The following SLC7A11 variants were observed in gnomAD, a reference collection of about 807,000 sequenced individuals.
The protein encoded by SLC7A11 is cystine/glutamate transporter.
In SLC7A11, 35 loss-of-function variants were observed where a neutral mutation model predicts 54.5. That is an observed-to-expected ratio of 0.64 (90% confidence interval 0.49 to 0.85). The LOEUF (loss-of-function observed/expected upper bound fraction) is 0.85, where lower values mean the gene tolerates loss of function less well. Ranked by LOEUF, SLC7A11 falls within the 40% of genes least tolerant of loss-of-function variation. SLC7A11 has a pLI of 0.00. For missense variants in SLC7A11, 583 were observed against 618.1 expected (o/e 0.94, Z 0.60); for synonymous variants, 230 against 225.2 (o/e 1.02, Z -0.19).
chr4:138,214,846 T>C (rs1737642238), intron 5 of SLC7A11, among the ~76,000 whole-genome samples: 1 of 151,922 alleles, frequency 6.6e-6, no homozygotes, highest in African/African-American at 2.4e-5. Flanking sequence ...ATACAAGTGG[T>C]AAGCCCATAG....
intron 1 of SLC7A11, among the ~76,000 whole-genome samples, chr4:138,238,880 G>A (rs1461358910): frequency 6.6e-6 from 1 of 152,126 alleles, no homozygotes; most frequent in African/African-American, 2.4e-5. Context: ...TGAGATTATA[G>A]GCATGAGCCA....
chr4:138,224,818 G>A (rs72935809), intron 3 of SLC7A11, among the ~76,000 whole-genome samples: 1,486 of 10,042 alleles, frequency 0.15, 25 homozygotes, highest in East Asian at 0.27. Context: ...AAGGATGAAA[G>A]GAAGGAAGGA....
rs767903614 is a variant in SLC7A11, at chr4:138,236,378, G to C, written c.351C>G (p.Val117=). ...SGGHYTYILE[V]FGPLPAFVRV... ...GTACAAAAGCTGGTAATGGACCAAA[G>C]ACTTCCAAAATATATGTGTAATGAC... Residue 117 remains valine (V), a synonymous_variant, in exon 2 of 12, where the codon GTC becomes GTG. Coordinates refer to ENST00000280612, the MANE Select transcript of SLC7A11 (RefSeq NM_014331.4). 1 of 1,613,332 alleles carries C rather than the reference G, an allele frequency of 6.2e-7. No individual in the cohort carries two copies. Among genetic ancestry groups the C allele is most frequent in the Non-Finnish European group, 8.5e-7 (1 of 1,179,506 alleles).
Position 138,242,142 on chromosome 4 carries a change from G to GTTAC in SLC7A11, c.-77_-74dup. Reference sequence around the variant, plus strand: ...ACTTTCAACTTTGGTGTCTCTTGGTGTTACTGATCGATGTCTTCCTCTGCT... The same window carrying GTTAC: ...ACTTTCAACTTTGGTGTCTCTTGGTGTTACTTACTGATCGATGTCTTCCTCTGCT... On this transcript the variant is annotated 5_prime_UTR_variant, in exon 1 of 12. Coordinates refer to ENST00000280612, the MANE Select transcript of SLC7A11 (RefSeq NM_014331.4). 2 of 1,506,016 alleles carry GTTAC rather than the reference G, an allele frequency of 1.3e-6. No individual in the cohort carries two copies. Among genetic ancestry groups the GTTAC allele is most frequent in the South Asian group, 2.5e-5 (2 of 81,242 alleles). The allele number at this position is 1,506,016 out of a possible 1,614,324, so 93.3% of individuals were successfully genotyped here. A position where few individuals can be genotyped will look rare whatever the true frequency, so the allele number is the denominator to read the frequency against.
intron 8 of SLC7A11, 81 bp from the exon 9 acceptor site, chr4:138,182,474 G>T: frequency 2.4e-6 from 2 of 833,642 alleles, no homozygotes; most frequent in Non-Finnish European, 2.0e-6. Context: ...CAGAGAAAAC[G>T]TGCATCTTTT....
intron 6 of SLC7A11, among the ~76,000 whole-genome samples, chr4:138,204,487 T>C (rs1737360305): frequency 6.6e-6 from 1 of 152,046 alleles, no homozygotes; most frequent in Admixed American, 6.6e-5. Context: ...TCTTCTGTTT[T>C]GTATCAACAG....
intron 6 of SLC7A11, among the ~76,000 whole-genome samples, chr4:138,203,942 C>G (rs1737347698): frequency 6.6e-6 from 1 of 152,026 alleles, no homozygotes; most frequent in African/African-American, 2.4e-5. Context: ...GATTTTGACT[C>G]CTCTTCACAA....
intron 6 of SLC7A11, among the ~76,000 whole-genome samples, chr4:138,209,385 T>C (rs900094076): frequency 2.6e-5 from 4 of 152,014 alleles, no homozygotes; most frequent in Admixed American, 6.6e-5. Flanking sequence ...TTATTCTCCC[T>C]TGTAACTAAA....
At chr4:138,180,006 G>A (rs1274937029) in intron 10 of SLC7A11, among the ~76,000 whole-genome samples, 1 of 151,726 alleles carries the variant, frequency 6.6e-6, no homozygotes, top group East Asian at 1.9e-4. Flanking sequence ...TAAATCGTGA[G>A]GTCAAATCAA....
chr4:138,188,463 G>C (rs1024450970), intron 6 of SLC7A11, among the ~76,000 whole-genome samples: 3 of 152,152 alleles, frequency 2.0e-5, no homozygotes, highest in Middle Eastern at 3.2e-3. Flanking sequence ...CAGAGGGAAG[G>C]GGGTGGGGAG....
intron 1 of SLC7A11, among the ~76,000 whole-genome samples, chr4:138,238,355 A>C (rs1280760145): frequency 6.6e-6 from 1 of 152,192 alleles, no homozygotes; most frequent in Non-Finnish European, 1.5e-5. Context: ...AGAAAATTTA[A>C]AAAAATCCTG....
At chr4:138,183,084 A>T (rs1420900697) in intron 8 of SLC7A11, 118 bp downstream of exon 8, 5 of 694,844 alleles carry the variant, frequency 7.2e-6, no homozygotes, top group Admixed American at 2.5e-5. Context: ...TCAATCTTGC[A>T]TGTCCCTTTA....
At position 138,164,171 on chromosome 4, in the gene SLC7A11, A is replaced by G. The variant is rs984167932; in HGVS notation, c.*7785T>C. ...AAGTAAAATATGTACAAAAATGGTT[A>G]TAAAATGGTTGAAGCAACTAGAAGC... is the stretch of plus-strand genomic sequence containing the variant. On this transcript the variant is annotated 3_prime_UTR_variant, in exon 12 of 12. Transcript: ENST00000280612. 3 of 152,610 alleles carry G rather than the reference A, an allele frequency of 2.0e-5. No homozygotes were observed. The highest frequency in any genetic ancestry group is 2.9e-5 in the Non-Finnish European group (2 of 68,006). 9.5% of individuals were successfully genotyped at this position (152,610 alleles called of 1,614,324 possible).
At chr4:138,220,456 G>GT (rs60759105) in intron 4 of SLC7A11, among the ~76,000 whole-genome samples, 50,573 of 151,708 alleles carry the variant, frequency 0.33, 9,146 homozygotes, top group East Asian at 0.47. Flanking sequence ...AGAATGACAT[G>GT]TTTTTTTTCC....
chr4:138,189,804 T>C lies in SLC7A11; in HGVS notation c.792-4560A>G, dbSNP rs1736964886. Among the ~76,000 whole-genome samples the C allele has an allele frequency of 2.0e-5, 3 of 152,248 alleles. No homozygotes were observed. The South Asian group carries it at 6.2e-4, about 32-fold the overall frequency. ...AATGACTATTGTTTCCAGTGCATCA[T>C]TTTCGCTAAAAGTGATCCTTGCTAT... On this transcript the variant is annotated intron_variant, in intron 6 of 11. Transcript: ENST00000280612.
At position 138,227,854 on chromosome 4, in the gene SLC7A11, G is replaced by C. The variant is rs181023675; in HGVS notation, c.520+4413C>G. Reference sequence around the variant, plus strand: ...TGCATGTCATCCTCCTAAAGTATGTGATAGTTGTTCTGCAGTACTTGTATA... The same window carrying C: ...TGCATGTCATCCTCCTAAAGTATGTCATAGTTGTTCTGCAGTACTTGTATA... On this transcript the variant is annotated intron_variant, in intron 3 of 11. Transcript: ENST00000280612. Among the ~76,000 whole-genome samples, 70 of 152,248 alleles carry C rather than the reference G, an allele frequency of 4.6e-4. 1 individual carries two copies. In the East Asian group the frequency reaches 0.013, roughly 29 times the overall value.
chr4:138,187,097 T>G (rs918204824), intron 6 of SLC7A11, among the ~76,000 whole-genome samples: 5 of 152,060 alleles, frequency 3.3e-5, no homozygotes, highest in African/African-American at 7.2e-5. Flanking sequence ...CAGAAAGAAG[T>G]AAGTCTGAAA....
intron 5 of SLC7A11, among the ~76,000 whole-genome samples, chr4:138,217,429 C>A (rs988267420): frequency 6.6e-6 from 1 of 152,032 alleles, no homozygotes; most frequent in African/African-American, 2.4e-5. Context: ...AATATTAGTA[C>A]AATAATTCAA....
chr4:138,224,977 T>G (rs1305394637), intron 3 of SLC7A11, among the ~76,000 whole-genome samples: 1 of 151,508 alleles, frequency 6.6e-6, no homozygotes, highest in African/African-American at 2.4e-5. Flanking sequence ...TAATAAATTT[T>G]ATGATGAACA....
Sources: allele counts gnomAD v4.1 joint callset (sites outside exome capture counted in the v4.1 genomes callset), GRCh38; gene constraint gnomAD v4.1.1; transcripts MANE v1.5; gene names NCBI Gene and HGNC (gene_info 2026-07-23, HGNC 2026-07-21).